Variants in CDH12 observed in about 807,000 individuals in gnomAD.
CDH12 encodes the protein cadherin-12.
CDH12 carries 41 observed loss-of-function variants against 74.1 expected under a neutral mutation model. The ratio of observed to expected loss-of-function variants is 0.55; its 90% CI spans 0.43 to 0.72. The LOEUF (loss-of-function observed/expected upper bound fraction) is 0.72. Among genes scored for constraint, CDH12 ranks in the 30% least tolerant of loss-of-function variants. The pLI, the probability that CDH12 is intolerant of heterozygous loss-of-function variation, is 0.00. For synonymous variants in CDH12, 399 were observed against 355.0 expected (o/e 1.12, Z -1.39); for missense variants, 945 against 977.2 (o/e 0.97, Z 0.44).
chr5:21,932,336 TAAG>T (rs1366606198), intron 6 of CDH12, among the ~76,000 whole-genome samples: 3 of 152,188 alleles, frequency 2.0e-5, no homozygotes, highest in Admixed American at 1.3e-4. Flanking sequence ...AAAAATGAAA[TAAG>T]AATTAATTTT....
chr5:22,073,097 A>G (rs1742068567), intron 5 of CDH12, among the ~76,000 whole-genome samples: 2 of 152,110 alleles, frequency 1.3e-5, no homozygotes, highest in African/African-American at 2.4e-5. Context: ...ATAAAGTTTA[A>G]CTTTTATAAT....
At chr5:22,727,726 T>C (rs1228709736) in intron 1 of CDH12, among the ~76,000 whole-genome samples, 1 of 151,768 alleles carries the variant, frequency 6.6e-6, no homozygotes, top group Non-Finnish European at 1.5e-5. Flanking sequence ...GAATTCTAGG[T>C]TGACTTTTTT....
chr5:22,767,939 TGATTAAA>T (rs1161122289), intron 1 of CDH12, among the ~76,000 whole-genome samples: 1 of 152,004 alleles, frequency 6.6e-6, no homozygotes, highest in African/African-American at 2.4e-5. Context: ...CTATGGTCTA[TGATTAAA>T]GAGAAGAAAG....
At chr5:22,694,517 G>C (rs269018) in intron 1 of CDH12, among the ~76,000 whole-genome samples, 16,020 of 151,834 alleles carry the variant, frequency 0.11, 1,971 homozygotes, top group African/African-American at 0.3. Flanking sequence ...TTTTCTATTT[G>C]TTTAGGCCAC....
At chr5:22,485,182 T>G (rs1228456162) in intron 2 of CDH12, among the ~76,000 whole-genome samples, 3 of 23,672 alleles carry the variant, frequency 1.3e-4, no homozygotes, top group African/African-American at 5.2e-4. Flanking sequence ...AGCTTTTCTT[T>G]TCTTTTCTTT....
chr5:22,615,249 A>G (rs140476670), intron 1 of CDH12, among the ~76,000 whole-genome samples: 12 of 152,226 alleles, frequency 7.9e-5, no homozygotes, highest in African/African-American at 2.9e-4. Context: ...AAGTCCTCAC[A>G]TTAAAGTCTT....
At chr5:22,081,396 G>A (rs918893200) in intron 4 of CDH12, among the ~76,000 whole-genome samples, 1 of 152,070 alleles carries the variant, frequency 6.6e-6, no homozygotes, top group Non-Finnish European at 1.5e-5. Context: ...CCTCCAAGGT[G>A]TATTAATTTC....
intron 3 of CDH12, among the ~76,000 whole-genome samples, chr5:22,257,578 C>T (rs1196542903): frequency 6.6e-6 from 1 of 151,964 alleles, no homozygotes; most frequent in East Asian, 1.9e-4. Context: ...CGGTTTACTG[C>T]AACCTCTGCC....
chr5:22,046,431 T>C (rs1739956389), intron 5 of CDH12, among the ~76,000 whole-genome samples: 1 of 70,658 alleles, frequency 1.4e-5, no homozygotes, highest in South Asian at 5.2e-4. Flanking sequence ...ATTTAATTTC[T>C]TTTTTTTTTT....
intron 2 of CDH12, among the ~76,000 whole-genome samples, chr5:22,435,365 GTAAGT>G (rs1176433056): frequency 6.6e-6 from 1 of 151,040 alleles, no homozygotes; most frequent in Non-Finnish European, 1.5e-5. Context: ...TTGTGATCAT[GTAAGT>G]TAATACTATT....
intron 4 of CDH12, among the ~76,000 whole-genome samples, chr5:22,182,349 T>G (rs1443267226): frequency 3.9e-5 from 6 of 152,194 alleles, no homozygotes; most frequent in African/African-American, 7.2e-5. Context: ...ATTCCACATG[T>G]TGGTGTTGTA....
intron 1 of CDH12, among the ~76,000 whole-genome samples, chr5:22,637,798 A>G (rs188000377): frequency 1.7e-4 from 26 of 152,362 alleles, no homozygotes; most frequent in African/African-American, 5.0e-4. Context: ...TTGGTCAGTT[A>G]CTATGAAATT....
At chr5:22,489,056 CTTTT>C (rs10685463) in intron 2 of CDH12, among the ~76,000 whole-genome samples, 4 of 37,314 alleles carry the variant, frequency 1.1e-4, no homozygotes, top group South Asian at 9.1e-4. Flanking sequence ...TTGGTACCAC[CTTTT>C]TTTTTTTTTT....
At chr5:22,256,594 A>G (rs1298429967) in intron 3 of CDH12, among the ~76,000 whole-genome samples, 1 of 152,178 alleles carries the variant, frequency 6.6e-6, no homozygotes, top group African/African-American at 2.4e-5. Flanking sequence ...CAGGCAGGAC[A>G]TTCAGAAAGT....
intron 10 of CDH12, among the ~76,000 whole-genome samples, chr5:21,789,489 T>A (rs1184973631): frequency 6.6e-6 from 1 of 152,120 alleles, no homozygotes; most frequent in African/African-American, 2.4e-5. Flanking sequence ...CTTAGAAAAT[T>A]TTCCAGAGAC....
chr5:21,765,599 C>A (rs965515533), intron 11 of CDH12, among the ~76,000 whole-genome samples: 3 of 147,604 alleles, frequency 2.0e-5, no homozygotes, highest in Non-Finnish European at 4.5e-5. Flanking sequence ...TTAAAATAAA[C>A]TTAAGGAAGT....
At chr5:22,727,276 CAT>C (rs1744208576) in intron 1 of CDH12, among the ~76,000 whole-genome samples, 1 of 151,710 alleles carries the variant, frequency 6.6e-6, no homozygotes, top group South Asian at 2.1e-4. Flanking sequence ...CAATTTCTTA[CAT>C]ATTTGACTGT....
intron 1 of CDH12, among the ~76,000 whole-genome samples, chr5:22,518,155 G>T (rs988718238): frequency 3.3e-5 from 5 of 152,164 alleles, no homozygotes; most frequent in Admixed American, 6.5e-5. Flanking sequence ...TATTGATGAA[G>T]ATCACAAATA....
At chr5:22,204,840 T>C (rs1235464673) in intron 4 of CDH12, among the ~76,000 whole-genome samples, 1 of 152,190 alleles carries the variant, frequency 6.6e-6, no homozygotes. Flanking sequence ...GGAATTCCTC[T>C]TGGCCTCTCT....
Sources: gnomAD v4.1 joint callset for allele counts (sites outside exome capture counted in the v4.1 genomes callset) on GRCh38, gnomAD v4.1.1 for gene constraint, MANE v1.5 for transcripts, NCBI Gene and HGNC (gene_info 2026-07-23, HGNC 2026-07-21) for gene names.